The following AVEN variants were observed in gnomAD, a reference collection of about 807,000 sequenced individuals.
The protein encoded by AVEN is apoptosis and caspase activation inhibitor.
A neutral mutation model predicts 38.1 loss-of-function variants in AVEN; 41 were observed. The observed-to-expected ratio is 1.08, with a 90% CI of 0.84 to 1.40. The LOEUF (loss-of-function observed/expected upper bound fraction) is 1.40, where lower values mean the gene tolerates loss of function less well. Among genes scored for constraint, AVEN ranks in the 40% most tolerant of loss-of-function variants. AVEN has a pLI of 0.00. For missense variants in AVEN, 605 were observed against 438.8 expected (o/e 1.38, Z -3.38); for synonymous variants, 206 against 171.8 (o/e 1.20, Z -1.56).
chr15:33,855,179 G>C (rs1390005128), downstream of AVEN, among the ~76,000 whole-genome samples: 1 of 151,928 alleles, frequency 6.6e-6, no homozygotes, highest in African/African-American at 2.4e-5. Context: ...GGAGGTGATG[G>C]ACATGTCAGA....
At chr15:34,062,626 G>T in intron 5 of AVEN, 2 of 1,148,860 alleles carry the variant, frequency 1.7e-6, no homozygotes, top group Non-Finnish European at 2.5e-6. Context: ...AAGCTAATGT[G>T]TTTCCCTCTC....
intron 2 of AVEN, among the ~76,000 whole-genome samples, chr15:33,904,682 T>TAAAAAAA (rs77784482): frequency 4.1e-4 from 55 of 133,816 alleles, no homozygotes; most frequent in African/African-American, 1.6e-3. Context: ...ACTGTTTCTT[T>TAAAAAAA]AAAAAAAAAA....
At chr15:33,981,537 T>C (rs1896144583) in intron 2 of AVEN, among the ~76,000 whole-genome samples, 1 of 152,110 alleles carries the variant, frequency 6.6e-6, no homozygotes, top group Non-Finnish European at 1.5e-5. Context: ...AACAATGAAA[T>C]GGCTCATTTT....
intron 2 of AVEN, among the ~76,000 whole-genome samples, chr15:33,945,899 T>G (rs1894491618): frequency 6.6e-6 from 1 of 152,186 alleles, no homozygotes; most frequent in African/African-American, 2.4e-5. Flanking sequence ...AATGTTTATT[T>G]TTAAATAATT....
chr15:33,894,582 G>A (rs528358084), intron 2 of AVEN, among the ~76,000 whole-genome samples: 5 of 146,438 alleles, frequency 3.4e-5, no homozygotes, highest in Non-Finnish European at 6.0e-5. Flanking sequence ...GGCCGAGGCA[G>A]GGGGACTGCC....
At chr15:34,019,039 G>C (rs180948502) in intron 1 of AVEN, among the ~76,000 whole-genome samples, 1 of 150,968 alleles carries the variant, frequency 6.6e-6, no homozygotes. Context: ...TGATTGGTGC[G>C]TTTTTTTTAC....
At chr15:33,948,420 T>C (rs2153055490) in intron 2 of AVEN, among the ~76,000 whole-genome samples, 1 of 152,170 alleles carries the variant, frequency 6.6e-6, no homozygotes, top group African/African-American at 2.4e-5. Flanking sequence ...AAAAGTAAAA[T>C]TTAAATATCT....
Position 34,038,865 on chromosome 15 carries a change from CCG to C in AVEN, c.180_181del (p.Gly61ArgfsTer30). The C allele has an allele frequency of 8.7e-7, 1 of 1,152,660 alleles. No homozygotes were observed. The highest frequency in any genetic ancestry group is 4.4e-5 in the East Asian group (1 of 22,804). 71.4% of individuals were successfully genotyped at this position (1,152,660 alleles called of 1,614,324 possible). A position where few individuals can be genotyped will look rare whatever the true frequency, so the allele number is the denominator to read the frequency against. On this transcript the variant is annotated frameshift_variant, in exon 1 of 6. Coordinates refer to ENST00000306730, the MANE Select transcript of AVEN (RefSeq NM_020371.3). LOFTEE classifies it high-confidence loss of function. ...TCCTCCTCCTCGGCCTCCGCGAGCG[CCG>C]CGGAAGCCCCGGCCACGGCCACGGC...
intron 3 of AVEN, among the ~76,000 whole-genome samples, chr15:33,874,116 CAG>C (rs768334592): frequency 2.0e-5 from 3 of 152,134 alleles, no homozygotes; most frequent in Non-Finnish European, 4.4e-5. Flanking sequence ...ACTTTGTTAA[CAG>C]ATAATATTAG....
intron 4 of AVEN, among the ~76,000 whole-genome samples, chr15:33,870,391 G>T (rs374290662): frequency 1.1e-4 from 16 of 152,218 alleles, no homozygotes; most frequent in African/African-American, 3.4e-4. Context: ...GGTCTTTCTC[G>T]TTTAAATGCC....
At chr15:33,905,899 T>A (rs1051905317) in intron 2 of AVEN, among the ~76,000 whole-genome samples, 49 of 152,198 alleles carry the variant, frequency 3.2e-4, no homozygotes, top group Non-Finnish European at 5.4e-4. Flanking sequence ...TGAAACACCA[T>A]GCATCTTATG....
chr15:33,914,454 A>T (rs1351219894), intron 2 of AVEN, among the ~76,000 whole-genome samples: 1 of 152,042 alleles, frequency 6.6e-6, no homozygotes, highest in African/African-American at 2.4e-5. Context: ...CCGTATAGCA[A>T]TTTGGAGAAA....
chr15:33,976,361 T>C (rs1895887091), intron 2 of AVEN, among the ~76,000 whole-genome samples: 1 of 152,220 alleles, frequency 6.6e-6, no homozygotes, highest in Non-Finnish European at 1.5e-5. Context: ...TAATGTCGCT[T>C]TTTTCTCTAA....
At chr15:34,073,980 C>CT (rs1900683919) in intron 1 of AVEN, among the ~76,000 whole-genome samples, 1 of 125,156 alleles carries the variant, frequency 8.0e-6, no homozygotes, top group African/African-American at 3.4e-5. Context: ...TTTCTTTTTT[C>CT]TTCTTCTTCT....
At chr15:33,970,008 TG>T (rs1386944188) in intron 2 of AVEN, among the ~76,000 whole-genome samples, 1 of 152,044 alleles carries the variant, frequency 6.6e-6, no homozygotes, top group Non-Finnish European at 1.5e-5. Flanking sequence ...TTGGTTTTCA[TG>T]AGTTTCATTG....
At chr15:33,858,598 C>T (rs2153010521), downstream of AVEN, 1 of 152,660 alleles carries the variant, frequency 6.6e-6, no homozygotes, top group East Asian at 1.9e-4. Flanking sequence ...AGCAAAGTCC[C>T]ATGGACCGGG....
downstream of AVEN, among the ~76,000 whole-genome samples, chr15:33,861,713 T>G (rs1888298898): frequency 1.3e-5 from 2 of 152,202 alleles, no homozygotes; most frequent in South Asian, 4.1e-4. Context: ...GTTGCTAAAT[T>G]CTGTGTTCAG....
chr15:33,890,040 G>A lies in AVEN; in HGVS notation c.446-14045C>T, dbSNP rs116901949. Among the ~76,000 whole-genome samples the A allele has an allele frequency of 3.9e-4, 60 of 152,320 alleles. No homozygotes were observed. The East Asian group carries it at 9.2e-3, about 23-fold the overall frequency. Reference sequence around the variant, plus strand: ...AGGTGTCAAGGCGAGTTCCCTCTCCGACGTGCCAAACTGATCTTCTCTGGA... The same window carrying A: ...AGGTGTCAAGGCGAGTTCCCTCTCCAACGTGCCAAACTGATCTTCTCTGGA... On this transcript the variant is annotated intron_variant, in intron 2 of 5. Transcript: ENST00000306730.
At chr15:33,897,539 G>T (rs1892284553) in intron 2 of AVEN, among the ~76,000 whole-genome samples, 1 of 152,040 alleles carries the variant, frequency 6.6e-6, no homozygotes, top group African/African-American at 2.4e-5. Flanking sequence ...CAAAGTGCTA[G>T]GATTACAGGC....
Sources: gnomAD v4.1 joint callset for allele counts (sites outside exome capture counted in the v4.1 genomes callset) on GRCh38, gnomAD v4.1.1 for gene constraint, MANE v1.5 for transcripts, NCBI Gene and HGNC (gene_info 2026-07-23, HGNC 2026-07-21) for gene names.